SRD5A1: variants seen among roughly 807,000 people sequenced by gnomAD.
SRD5A1 encodes the protein steroid 5 alpha-reductase 1.
SRD5A1 carries 22 observed loss-of-function variants against 28.2 expected under a neutral mutation model. That is an observed-to-expected ratio of 0.78 (90% CI 0.56 to 1.12). The LOEUF (loss-of-function observed/expected upper bound fraction) is 1.12. SRD5A1 is among the 50% of genes most tolerant of loss of function. The probability of loss-of-function intolerance (pLI) is 0.00; values close to 1 mark genes in which losing one functional copy is unlikely to be tolerated. For missense variants in SRD5A1, 300 were observed against 346.7 expected, an observed-to-expected ratio of 0.87 and a Z score of 1.07; for synonymous variants, 151 against 135.0, an observed-to-expected ratio of 1.12 and a Z score of -0.82.
At chr5:6,650,793 T>TC (rs1243614043) in intron 1 of SRD5A1, among the ~76,000 whole-genome samples, 1 of 54,566 alleles carries the variant, frequency 1.8e-5, no homozygotes, top group Non-Finnish European at 3.7e-5. Flanking sequence ...CCCTCCCCCC[T>TC]CCCCCCCACC....
chr5:6,667,924 G>T (rs1342390088), intron 4 of SRD5A1, among the ~76,000 whole-genome samples: 1 of 152,216 alleles, frequency 6.6e-6, no homozygotes, highest in Non-Finnish European at 1.5e-5. Flanking sequence ...TCCGCAATGT[G>T]CTGATCAGTA....
At chr5:6,655,882 A>G (rs1668094189) in intron 2 of SRD5A1, among the ~76,000 whole-genome samples, 196 bp from the exon 3 acceptor site, 1 of 152,218 alleles carries the variant, frequency 6.6e-6, no homozygotes, top group Admixed American at 6.5e-5. Context: ...ATGTATTTGT[A>G]TTATTAGGAA....
intron 2 of SRD5A1, among the ~76,000 whole-genome samples, chr5:6,654,536 C>T (rs901937962): frequency 6.6e-6 from 1 of 152,274 alleles, no homozygotes; most frequent in South Asian, 2.1e-4. Context: ...CAGGCTCAAG[C>T]AATTCTTGTG....
intron 1 of SRD5A1, among the ~76,000 whole-genome samples, chr5:6,651,603 T>C (rs1167040510): frequency 6.6e-6 from 1 of 152,162 alleles, no homozygotes; most frequent in Non-Finnish European, 1.5e-5. Context: ...AAGGCCGCAG[T>C]GAGCCATGAT....
At chr5:6,653,443 C>T (rs1738745809) in intron 2 of SRD5A1, 2 of 152,196 alleles carry the variant, frequency 1.3e-5, no homozygotes, top group Admixed American at 1.3e-4. Flanking sequence ...CCCTACCTGT[C>T]AAGAGGAAGA....
At chr5:6,658,414 C>T (rs532253235) in intron 3 of SRD5A1, among the ~76,000 whole-genome samples, 2 of 152,352 alleles carry the variant, frequency 1.3e-5, no homozygotes, top group East Asian at 3.9e-4. Flanking sequence ...CCGCAATCTA[C>T]AAACTTATTA....
chr5:6,672,544 G>T lies in SRD5A1; in HGVS notation c.*4276G>T, dbSNP rs1739391438. The stretch of plus-strand genomic sequence containing the variant: ...CCCACCTTGGCCTCCCAAGGTGCTG[G>T]GATTACAGGCACAAGCCACAGCTCC... On this transcript the variant is annotated 3_prime_UTR_variant, in exon 5 of 5. Coordinates refer to ENST00000274192, the MANE Select transcript of SRD5A1 (RefSeq NM_001047.4). 1 of 152,092 alleles carries T rather than the reference G, an allele frequency of 6.6e-6. No homozygotes were observed. The highest frequency in any genetic ancestry group is 6.5e-5 in the Admixed American group (1 of 15,274). The allele number at this position is 152,092 out of a possible 1,614,324, so 9.4% of individuals were successfully genotyped here. A position where few individuals can be genotyped will look rare whatever the true frequency, so the allele number is the denominator to read the frequency against.
intron 1 of SRD5A1, among the ~76,000 whole-genome samples, chr5:6,639,551 A>G (rs1039980260): frequency 6.6e-6 from 1 of 152,200 alleles, no homozygotes; most frequent in African/African-American, 2.4e-5. Flanking sequence ...GGCAGCCCCG[A>G]TGATTTTGTT....
chr5:6,666,383 C>A (rs1401199984), intron 4 of SRD5A1, among the ~76,000 whole-genome samples: 2 of 152,128 alleles, frequency 1.3e-5, no homozygotes, highest in African/African-American at 4.8e-5. Context: ...CTCCTGACCT[C>A]GTGATTTGCC....
chr5:6,640,531 C>CTTTT (rs11434052), intron 1 of SRD5A1, among the ~76,000 whole-genome samples: 1 of 146,386 alleles, frequency 6.8e-6, no homozygotes. Flanking sequence ...AAGTCTTATT[C>CTTTT]TTTTTTTTTT....
chr5:6,633,503 T>G lies in SRD5A1; in HGVS notation c.-74T>G. On this transcript the variant is annotated 5_prime_UTR_variant, in exon 1 of 5. Coordinates refer to ENST00000274192, the MANE Select transcript of SRD5A1 (RefSeq NM_001047.4). ...CCGCCCCTCCGGTAGCCGCCCCTCC[T>G]GCCCCCGCGCCGCCGCCCTATATGT... The G allele has an allele frequency of 7.2e-7, 1 of 1,381,070 alleles. No individual in the cohort carries two copies. The highest frequency in any genetic ancestry group is 1.5e-5 in the African/African-American group (1 of 65,334). 85.6% of individuals were successfully genotyped at this position (1,381,070 alleles called of 1,614,324 possible). A position where few individuals can be genotyped will look rare whatever the true frequency, so the allele number is the denominator to read the frequency against.
chr5:6,648,973 C>T (rs1362048392), intron 1 of SRD5A1, among the ~76,000 whole-genome samples: 1 of 152,134 alleles, frequency 6.6e-6, no homozygotes, highest in African/African-American at 2.4e-5. Context: ...TTCCTTCTAA[C>T]AGGCCCCTCT....
At chr5:6,637,417 G>C (rs898257289) in intron 1 of SRD5A1, among the ~76,000 whole-genome samples, 1 of 152,132 alleles carries the variant, frequency 6.6e-6, no homozygotes, top group Non-Finnish European at 1.5e-5. Flanking sequence ...ACCCTCGTTT[G>C]TAAATCCTGC....
intron 1 of SRD5A1, among the ~76,000 whole-genome samples, chr5:6,637,072 G>C (rs763962769): frequency 2.6e-5 from 4 of 152,140 alleles, no homozygotes; most frequent in African/African-American, 7.2e-5. Context: ...GCCTCCTTCT[G>C]ATCCCAGGGC....
chr5:6,673,159 A>G lies in SRD5A1; in HGVS notation c.*4891A>G, dbSNP rs976604054. On this transcript the variant is annotated 3_prime_UTR_variant, in exon 5 of 5. Transcript: ENST00000274192. ...TCCAAAAAAGGAAATGATACTTGGC[A>G]TTAGTATCATTCTCCATCACTCTTG... is the stretch of plus-strand genomic sequence containing the variant. 9 of 152,236 alleles carry G rather than the reference A, an allele frequency of 5.9e-5. No individual in the cohort carries two copies. Among genetic ancestry groups the G allele is most frequent in the Non-Finnish European group, 7.3e-5 (5 of 68,040 alleles). 9.4% of individuals were successfully genotyped at this position (152,236 alleles called of 1,614,324 possible). A position where few individuals can be genotyped will look rare whatever the true frequency, so the allele number is the denominator to read the frequency against.
intron 1 of SRD5A1, among the ~76,000 whole-genome samples, chr5:6,643,657 C>T (rs1174541106): frequency 6.6e-6 from 1 of 152,150 alleles, no homozygotes; most frequent in Non-Finnish European, 1.5e-5. Context: ...AGTGTTCTCC[C>T]CAAAAGGCTA....
intron 2 of SRD5A1, among the ~76,000 whole-genome samples, chr5:6,652,854 A>G (rs1364154903): frequency 1.4e-5 from 2 of 143,822 alleles, no homozygotes; most frequent in East Asian, 4.4e-4. Flanking sequence ...AGCCTGGGTG[A>G]CAGAGTGAGA....
chr5:6,637,151 C>T (rs1738209604), intron 1 of SRD5A1, among the ~76,000 whole-genome samples: 1 of 152,098 alleles, frequency 6.6e-6, no homozygotes, highest in Non-Finnish European at 1.5e-5. Context: ...CATGGAGTGG[C>T]GTCTGGCATG....
intron 1 of SRD5A1, among the ~76,000 whole-genome samples, chr5:6,648,465 C>T (rs1468996112): frequency 2.6e-5 from 4 of 152,100 alleles, no homozygotes; most frequent in African/African-American, 9.7e-5. Flanking sequence ...TTCTTGGAGG[C>T]TTTGTTTCTT....
Sources: gnomAD v4.1 joint callset for allele counts (sites outside exome capture counted in the v4.1 genomes callset) on GRCh38, gnomAD v4.1.1 for gene constraint, MANE v1.5 for transcripts, NCBI Gene and HGNC (gene_info 2026-07-23, HGNC 2026-07-21) for gene names.